KIF1B: variants seen among roughly 807,000 people sequenced by gnomAD.
KIF1B encodes the protein kinesin-like protein KIF1B.
A neutral mutation model predicts 241.9 loss-of-function variants in KIF1B; 76 were observed. The observed-to-expected ratio is 0.31, with a 90% CI of 0.26 to 0.38. KIF1B has a LOEUF of 0.38. Among genes scored for constraint, KIF1B ranks in the 10% least tolerant of loss-of-function variants. The pLI, the probability that KIF1B is intolerant of heterozygous loss-of-function variation, is 1.00. For synonymous variants in KIF1B, 750 were observed against 796.7 expected, an observed-to-expected ratio of 0.94 and a Z score of 0.99; for missense variants, 1,622 against 2,271.4, an observed-to-expected ratio of 0.71 and a Z score of 5.81.
intron 10 of KIF1B, among the ~76,000 whole-genome samples, chr1:10,273,934 C>CTTTTTTT (rs35845856): frequency 1.2e-4 from 14 of 116,810 alleles, no homozygotes; most frequent in East Asian, 2.5e-4. Context: ...TTAGTAGCTT[C>CTTTTTTT]TTTTTTTTTT....
In KIF1B at chr1:10,296,898, A is replaced by C. The variant is rs780368055; in HGVS notation, c.1863A>C (p.Gly621=). Reference sequence around the variant, plus strand: ...CCCTATTTTTCTGTTTTGTGCTAGGAAACCGTATCATCATGGGTAAAAACC... The same window carrying C: ...CCCTATTTTTCTGTTTTGTGCTAGGCAACCGTATCATCATGGGTAAAAACC... ...RVSQPVQLRS[G]NRIIMGKNHV... The change falls in exon 21 of 49, where the codon GGA becomes GGC. Residue 621 remains glycine (G), a splice_region_variant and synonymous_variant. Coordinates refer to ENST00000676179, the MANE Select transcript of KIF1B (RefSeq NM_001365951.3). 6.2e-7 allele frequency: 1 copy of C among 1,613,944 alleles called. No individual in the cohort carries two copies. The highest frequency in any genetic ancestry group is 2.2e-5 in the East Asian group (1 of 44,880).
At chr1:10,336,628 A>G (rs528278701) in intron 28 of KIF1B, 29 bp from the exon 29 acceptor site, 7 of 1,584,754 alleles carry the variant, frequency 4.4e-6, no homozygotes, top group Non-Finnish European at 6.1e-6. Context: ...GTCTCACTCA[A>G]TTCTTGCTAA....
Position 10,271,708 on chromosome 1 carries a change from A to G in KIF1B, c.798+129A>G, listed in dbSNP as rs143781259. ...TGTCTATGGCTGCTTTTGCACTACAATGGCAGTGTTGTGACAGAGACCGTA... is the reference window on the plus strand; with the variant it reads ...TGTCTATGGCTGCTTTTGCACTACAGTGGCAGTGTTGTGACAGAGACCGTA... On this transcript the variant is annotated intron_variant, in intron 8 of 48. Transcript: ENST00000676179. 72 of 736,012 alleles carry G rather than the reference A, an allele frequency of 9.8e-5. No homozygotes were observed. The East Asian group carries it at 1.2e-3, about 12-fold the overall frequency. 45.6% of individuals were successfully genotyped at this position (736,012 alleles called of 1,614,324 possible).
At chr1:10,256,919 C>T (rs2102183265) in intron 3 of KIF1B, among the ~76,000 whole-genome samples, 1 of 152,018 alleles carries the variant, frequency 6.6e-6, no homozygotes, top group East Asian at 1.9e-4. Context: ...ACCATGTTGG[C>T]CAGGCTGGTC....
intron 1 of KIF1B, among the ~76,000 whole-genome samples, chr1:10,226,706 C>T (rs975399189): frequency 6.6e-6 from 1 of 152,166 alleles, no homozygotes; most frequent in East Asian, 1.9e-4. Flanking sequence ...TGGTGGTTCA[C>T]ACCTGTAATC....
At chr1:10,282,280 T>G (rs2102232361) in intron 14 of KIF1B, 42 bp from the exon 15 acceptor site, 1 of 1,492,670 alleles carries the variant, frequency 6.7e-7, no homozygotes, top group African/African-American at 1.4e-5. Context: ...CTTCTTTCCC[T>G]TTTCCCTACT....
intron 2 of KIF1B, among the ~76,000 whole-genome samples, chr1:10,240,272 G>A (rs1264151253): frequency 1.3e-5 from 2 of 150,680 alleles, no homozygotes; most frequent in East Asian, 2.0e-4. Context: ...GCAGTGGTGC[G>A]ATCTGAGCTC....
intron 1 of KIF1B, among the ~76,000 whole-genome samples, chr1:10,212,883 C>CGTGT (rs200621535): frequency 1.5e-5 from 1 of 64,888 alleles, no homozygotes; most frequent in East Asian, 4.3e-4. Context: ...TGTGTGCATG[C>CGTGT]GTGTGTGTAT....
chr1:10,297,313 A>G (rs1650317432), intron 22 of KIF1B, 67 bp downstream of exon 22: 2 of 1,366,350 alleles, frequency 1.5e-6, no homozygotes, highest in Middle Eastern at 2.5e-4. Context: ...TCCCTGTTCC[A>G]CAGAGCAGTA....
intron 1 of KIF1B, among the ~76,000 whole-genome samples, chr1:10,211,973 A>G (rs1223220988): frequency 6.6e-6 from 1 of 152,206 alleles, no homozygotes; most frequent in African/African-American, 2.4e-5. Flanking sequence ...AAACCAGAGT[A>G]TTCTGATAGT....
intron 22 of KIF1B, chr1:10,308,088 G>A (rs1650915619): frequency 8.5e-6 from 9 of 1,059,448 alleles, no homozygotes; most frequent in Admixed American, 5.4e-5. Flanking sequence ...TTTTACTACC[G>A]GAAGTTACAT....
chr1:10,370,490 G>A (rs1638698437), intron 44 of KIF1B, among the ~76,000 whole-genome samples: 1 of 151,810 alleles, frequency 6.6e-6, no homozygotes, highest in African/African-American at 2.4e-5. Flanking sequence ...CTTGAGTCCT[G>A]GAGGCTGAGG....
chr1:10,218,360 GA>G (rs1271938307), intron 1 of KIF1B, among the ~76,000 whole-genome samples: 5 of 151,670 alleles, frequency 3.3e-5, no homozygotes, highest in African/African-American at 1.2e-4. Flanking sequence ...TCAGTCTTCT[GA>G]AACTGCTGTT....
rs12141246 is a variant in KIF1B, at chr1:10,267,349, A to T, written c.430-31A>T. The T allele has an allele frequency of 0.35, 562,073 of 1,603,212 alleles. 99,627 individuals carry two copies. Among genetic ancestry groups the T allele is most frequent in the African/African-American group, 0.41 (30,818 of 74,642 alleles). ...GGCTTCTGTATGTGATTTCTTTTTC[A>T]CTCTAATTCACTTTACTAATTTGTT... On this transcript the variant is annotated intron_variant, in intron 5 of 48. Coordinates refer to ENST00000676179, the MANE Select transcript of KIF1B (RefSeq NM_001365951.3).
chr1:10,290,827 C>G (rs1649960152), intron 15 of KIF1B, among the ~76,000 whole-genome samples: 1 of 151,506 alleles, frequency 6.6e-6, no homozygotes, highest in Admixed American at 6.6e-5. Flanking sequence ...TGAGATCGCG[C>G]CACTGCAGCC....
chr1:10,365,388 C>G lies in KIF1B; in HGVS notation c.4513-21C>G, dbSNP rs1557739653. The G allele has an allele frequency of 6.2e-7, 1 of 1,614,084 alleles. No homozygotes were observed. The highest frequency in any genetic ancestry group is 1.6e-4 in the Middle Eastern group (1 of 6,062). The stretch of plus-strand genomic sequence containing the variant: ...TTAACGAGCTTTGTGTTTGCTATAG[C>G]AGTAGTATTGATCTTCTCAGGTGGA... On this transcript the variant is annotated intron_variant, in intron 42 of 48. Coordinates refer to ENST00000676179, the MANE Select transcript of KIF1B (RefSeq NM_001365951.3). This position sits in a 1 kb window ranked among gnomAD's most constrained non-coding sequence, Gnocchi z 4.0.
At chr1:10,313,170 A>C (rs1354412802) in intron 22 of KIF1B, among the ~76,000 whole-genome samples, 1 of 151,198 alleles carries the variant, frequency 6.6e-6, no homozygotes, top group African/African-American at 2.5e-5. Context: ...GGTTCAAGCG[A>C]TTCTTGTGGC....
chr1:10,303,259 A>C lies in KIF1B; in HGVS notation c.2115+6013A>C. 1.2e-6 allele frequency: 2 copies of C among 1,614,212 alleles called. No individual in the cohort carries two copies. Among genetic ancestry groups the C allele is most frequent in the South Asian group, 1.1e-5 (1 of 91,090 alleles). On this transcript the variant is annotated intron_variant, in intron 22 of 48. Coordinates refer to ENST00000676179, the MANE Select transcript of KIF1B (RefSeq NM_001365951.3). This position sits in a 1 kb window ranked among gnomAD's most constrained non-coding sequence, Gnocchi z 5.2. Reference sequence around the variant, plus strand: ...TCTGAGAGAAAAGCTACCTCCCAGCAAGTTGCAAACCATTGTTAAAAAATG... The same window carrying C: ...TCTGAGAGAAAAGCTACCTCCCAGCCAGTTGCAAACCATTGTTAAAAAATG...
rs1650286842 is a variant in KIF1B, at chr1:10,296,805, G to C, written c.1862-92G>C. ...TGTAAAAACAACAGCTCTGAAAGCT[G>C]TCTTTTCACATTAGGGAGGGGTGAG... On this transcript the variant is annotated intron_variant, in intron 20 of 48. Transcript: ENST00000676179. The C allele has an allele frequency of 5.1e-6, 7 of 1,380,572 alleles. No individual in the cohort carries two copies. In the East Asian group the frequency reaches 1.7e-4, roughly 34 times the overall value. 85.5% of individuals were successfully genotyped at this position (1,380,572 alleles called of 1,614,324 possible). A position where few individuals can be genotyped will look rare whatever the true frequency, so the allele number is the denominator to read the frequency against.
Sources: gnomAD v4.1 joint callset for allele counts (sites outside exome capture counted in the v4.1 genomes callset) on GRCh38, gnomAD v4.1.1 for gene constraint, Gnocchi (gnomAD v3.1) non-coding constraint, MANE v1.5 for transcripts, NCBI Gene and HGNC (gene_info 2026-07-23, HGNC 2026-07-21) for gene names.